The following SGK2 variants were observed in gnomAD, a reference collection of about 807,000 sequenced individuals.
The protein encoded by SGK2 is serine/threonine-protein kinase Sgk2.
SGK2 carries 36 observed loss-of-function variants against 47.5 expected under a neutral mutation model. The ratio of observed to expected loss-of-function variants is 0.76; its 90% confidence interval spans 0.58 to 1.00. The LOEUF is 1.00. SGK2 is among the 50% of genes least tolerant of loss of function. The probability of loss-of-function intolerance (pLI) is 0.00; values close to 1 mark genes in which losing one functional copy is unlikely to be tolerated. For synonymous variants in SGK2, 157 were observed against 181.9 expected, an observed-to-expected ratio of 0.86 and a Z score of 1.10; for missense variants, 404 against 467.4, an observed-to-expected ratio of 0.86 and a Z score of 1.25.
At chr20:43,579,119 G>T (rs935202131) in intron 11 of SGK2, among the ~76,000 whole-genome samples, 21 of 151,560 alleles carry the variant, frequency 1.4e-4, no homozygotes, top group Admixed American at 4.6e-4. Context: ...CCGGGTTCAA[G>T]TGATTCTCCT....
intron 5 of SGK2, among the ~76,000 whole-genome samples, chr20:43,568,985 A>G (rs1041816302): frequency 6.6e-6 from 1 of 152,114 alleles, no homozygotes; most frequent in African/African-American, 2.4e-5. Flanking sequence ...TGGGATTCTG[A>G]TGGTCTGAAA....
chr20:43,564,478 T>A (rs1231858149), intron 1 of SGK2, among the ~76,000 whole-genome samples: 1 of 151,954 alleles, frequency 6.6e-6, no homozygotes, highest in Non-Finnish European at 1.5e-5. Flanking sequence ...GCCGCACGCA[T>A]GCGTGCATGC....
intron 1 of SGK2, among the ~76,000 whole-genome samples, chr20:43,559,712 C>G (rs1979276327): frequency 6.6e-6 from 1 of 152,170 alleles, no homozygotes; most frequent in Admixed American, 6.6e-5. Context: ...GGAGGGTCAT[C>G]TGGCTTCCAG....
Position 43,572,839 on chromosome 20 carries a change from A to G in SGK2, c.597+702A>G, listed in dbSNP as rs918086543. 4.6e-5 allele frequency among the ~76,000 whole-genome samples: 7 copies of G among 152,242 alleles called. No homozygotes were observed. The highest frequency in any genetic ancestry group is 1.7e-4 in the African/African-American group (7 of 41,476). ...ATTCTCATTTCAACATACCATCAAT[A>G]TAAAACTGGTTGAAATATTTTATTC... On this transcript the variant is annotated intron_variant, in intron 9 of 12. Transcript: ENST00000373100. The surrounding 1 kb of genome is among the most constrained non-coding windows in gnomAD (Gnocchi z 4.2).
At chr20:43,582,988 G>A (rs965778709) in intron 12 of SGK2, among the ~76,000 whole-genome samples, 4 of 152,198 alleles carry the variant, frequency 2.6e-5, no homozygotes, top group Non-Finnish European at 5.9e-5. Context: ...AATTGGTAGT[G>A]GCAGTGTGAA....
Position 43,584,835 on chromosome 20 carries a change from T to C in SGK2, c.940-17T>C, listed in dbSNP as rs765779978. ...TGACCCCGGTGTTTTCTTCTCATCA[T>C]TGGCTTTTATTGACAGACAGGACCT... is the stretch of plus-strand genomic sequence containing the variant. On this transcript the variant is annotated splice_polypyrimidine_tract_variant and intron_variant, in intron 12 of 12. Transcript: ENST00000373100. 5 of 1,611,096 alleles carry C rather than the reference T, an allele frequency of 3.1e-6. No homozygotes were observed. In the African/African-American group the frequency reaches 4.0e-5, roughly 13 times the overall value.
At chr20:43,581,138 G>A (rs1250644349) in intron 12 of SGK2, among the ~76,000 whole-genome samples, 1 of 152,152 alleles carries the variant, frequency 6.6e-6, no homozygotes, top group Non-Finnish European at 1.5e-5. Flanking sequence ...GCCTCCCAAA[G>A]TGCTGGGATT....
At chr20:43,580,475 A>G (rs1885066473) in intron 12 of SGK2, among the ~76,000 whole-genome samples, 1 of 152,178 alleles carries the variant, frequency 6.6e-6, no homozygotes, top group South Asian at 2.1e-4. Context: ...CGACTGTAGT[A>G]TCAGCACTTT....
rs542018569 is a variant in SGK2 at position 43,572,786 on chromosome 20, G to A, written c.597+649G>A. Among the ~76,000 whole-genome samples, 2 of 152,206 alleles carry A rather than the reference G, an allele frequency of 1.3e-5. No homozygotes were observed. Among genetic ancestry groups the A allele is most frequent in the African/African-American group, 4.8e-5 (2 of 41,532 alleles). On this transcript the variant is annotated intron_variant, in intron 9 of 12. Coordinates refer to ENST00000373100, the MANE Select transcript of SGK2 (RefSeq NM_170693.3). This position sits in a 1 kb window ranked among gnomAD's most constrained non-coding sequence, Gnocchi z 4.2. ...AACAGGTGAAATTAATTTTAATGAT[G>A]TATTTTATTTAACCCAATATATCCA... is the stretch of plus-strand genomic sequence containing the variant.
intron 1 of SGK2, among the ~76,000 whole-genome samples, chr20:43,563,704 A>G (rs1286573025): frequency 1.3e-5 from 2 of 152,194 alleles, no homozygotes; most frequent in African/African-American, 4.8e-5. Context: ...TATTAGCACA[A>G]TTATTTTGCT....
intron 10 of SGK2, 74 bp downstream of exon 10, chr20:43,575,078 C>T (rs752252652): frequency 2.2e-4 from 214 of 974,778 alleles, no homozygotes; most frequent in Non-Finnish European, 3.3e-4. Context: ...TCTACACAAG[C>T]TCTGTCCAGG....
chr20:43,571,572 C>T (rs1980131469), intron 8 of SGK2, among the ~76,000 whole-genome samples: 1 of 152,044 alleles, frequency 6.6e-6, no homozygotes, highest in Non-Finnish European at 1.5e-5. Context: ...CCTTTGTGCC[C>T]CTGGACATGG....
At chr20:43,564,581 A>G (rs1367585301) in intron 1 of SGK2, among the ~76,000 whole-genome samples, 1 of 152,174 alleles carries the variant, frequency 6.6e-6, no homozygotes, top group African/African-American at 2.4e-5. Context: ...ATACACACAT[A>G]TTAATAGACA....
At chr20:43,579,832 A>G (rs1980680886) in intron 11 of SGK2, 140 bp from the exon 12 acceptor site, 1 of 673,072 alleles carries the variant, frequency 1.5e-6, no homozygotes, top group Admixed American at 2.3e-5. Context: ...CTCTTGTCCC[A>G]GGAAACTAGC....
In SGK2 at chr20:43,569,556, C is replaced by T. The variant is rs377030017; in HGVS notation, c.360+40C>T. ...AGGGAGGCTTCCCTGGGCTGGCTCT[C>T]GGCTGGGAGCTGTCCATCCCACATG... On this transcript the variant is annotated intron_variant, in intron 6 of 12. Coordinates refer to ENST00000373100, the MANE Select transcript of SGK2 (RefSeq NM_170693.3). 8.3e-5 allele frequency: 133 copies of T among 1,604,922 alleles called. 1 individual carries two copies. Among genetic ancestry groups the T allele is most frequent in the Non-Finnish European group, 8.9e-5 (105 of 1,178,646 alleles).
At chr20:43,582,263 G>C (rs2145560818) in intron 12 of SGK2, among the ~76,000 whole-genome samples, 1 of 152,030 alleles carries the variant, frequency 6.6e-6, no homozygotes, top group East Asian at 1.9e-4. Flanking sequence ...TTTCTATGTA[G>C]CCCAGGCTGA....
At chr20:43,566,955 A>G in intron 2 of SGK2, 113 bp from the exon 3 acceptor site, 1 of 811,398 alleles carries the variant, frequency 1.2e-6, no homozygotes, top group Non-Finnish European at 2.0e-6. Context: ...AAGAAAAGAA[A>G]AAGGCAGGCA....
chr20:43,559,629 G>C (rs915459048), intron 1 of SGK2, among the ~76,000 whole-genome samples: 2 of 152,174 alleles, frequency 1.3e-5, no homozygotes, highest in Non-Finnish European at 2.9e-5. Flanking sequence ...GTTGGCACTT[G>C]AACTGGGCAG....
At chr20:43,574,195 G>A (rs187198080) in intron 9 of SGK2, among the ~76,000 whole-genome samples, 1 of 152,128 alleles carries the variant, frequency 6.6e-6, no homozygotes, top group African/African-American at 2.4e-5. Context: ...TTTTCCTGTT[G>A]CTGAGACCTT....
Sources: allele counts gnomAD v4.1 joint callset (sites outside exome capture counted in the v4.1 genomes callset), GRCh38; gene constraint gnomAD v4.1.1; non-coding constraint Gnocchi (gnomAD v3.1); transcripts MANE v1.5; gene names NCBI Gene and HGNC (gene_info 2026-07-23, HGNC 2026-07-21).